The following TAAR5 variants were observed in gnomAD, a reference collection of about 807,000 sequenced individuals.
The protein encoded by TAAR5 is trace amine-associated receptor 5.
In TAAR5, 27 loss-of-function variants were observed where a neutral mutation model predicts 21.1. The ratio of observed to expected loss-of-function variants is 1.28; its 90% CI spans 0.94 to 1.76. The LOEUF (loss-of-function observed/expected upper bound fraction) is 1.76. Ranked by LOEUF, TAAR5 falls within the 40% of genes most tolerant of loss-of-function variation. The pLI is 0.00. For missense variants in TAAR5, 495 were observed against 405.6 expected (o/e 1.22, Z -1.89); for synonymous variants, 203 against 167.5 (o/e 1.21, Z -1.64).
the TAAR5 span, among the ~76,000 whole-genome samples, chr6:132,607,275 CTCT>C: frequency 3.9e-5 from 6 of 152,084 alleles, no homozygotes; most frequent in Admixed American, 3.3e-4. Flanking sequence ...CCTTCTCCTT[CTCT>C]TCTTCTCCCT....
the TAAR5 span, among the ~76,000 whole-genome samples, chr6:132,600,795 GGGGAGGAAGGAAGGAA>G: frequency 9.9e-6 from 1 of 100,772 alleles, no homozygotes. Context: ...GAGGGAAGGA[GGGGAGGAAGGAAGGAA>G]GGAAGGAGGG....
At chr6:132,609,050 C>T in the TAAR5 span, 1 of 455,326 alleles carries the variant, frequency 2.2e-6, no homozygotes, top group Non-Finnish European at 4.4e-6. Context: ...AGCAGAAAGT[C>T]CGTGGTTGCC....
chr6:132,592,616 A>T (rs535497356), upstream of TAAR5, among the ~76,000 whole-genome samples: 13 of 152,206 alleles, frequency 8.5e-5, no homozygotes, highest in East Asian at 2.3e-3. Context: ...TGTTCTTTTG[A>T]TAGTGAATGA....
chr6:132,589,469 A>G lies in TAAR5; in HGVS notation c.218T>C (p.Leu73Pro), dbSNP rs891301228. The change falls in exon 1 of 1, where the codon CTG becomes CCG. Residue 73 changes from leucine to proline, a missense_variant. By Grantham distance (98) the Leu-to-Pro change is moderately conservative. Coordinates refer to ENST00000258034, the MANE Select transcript of TAAR5 (RefSeq NM_003967.3). ...CATGTCAGCCAGGGCCAGGGAGAGC[A>G]GCAGGAAGTTGGTGGGCGTGTGAAG... The part of the protein sequence containing the change: ...KALHTPTNFL[L>P]LSLALADMFL... 6.2e-7 allele frequency: 1 copy of G among 1,613,792 alleles called. No homozygotes were observed. Among genetic ancestry groups the G allele is most frequent in the African/African-American group, 1.3e-5 (1 of 74,896 alleles).
the TAAR5 span, among the ~76,000 whole-genome samples, chr6:132,600,987 A>AGGAG: frequency 9.6e-6 from 1 of 104,464 alleles, no homozygotes; most frequent in African/African-American, 4.6e-5. Flanking sequence ...GAAAGAAGGA[A>AGGAG]GGAAGGAGGG....
At chr6:132,604,149 T>TTC in the TAAR5 span, among the ~76,000 whole-genome samples, 9 of 146,524 alleles carry the variant, frequency 6.1e-5, no homozygotes, top group South Asian at 1.9e-3. Context: ...TTCTTTTCTT[T>TTC]TTTTTTTTTT....
Position 132,589,633 on chromosome 6 carries a change from G to A in TAAR5, c.54C>T (p.Tyr18=), listed in dbSNP as rs1776874985. The change falls in exon 1 of 1, where the codon TAC becomes TAT. Residue 18 remains tyrosine, a synonymous_variant. Transcript: ENST00000258034. ...TCCTGGGGCAAGACCCATTCACCTG[G>A]TAGCAGAATGCCGCAGGGTGCTCTT... ...GAEEHPAAFC[Y]QVNGSCPRTV... is the part of the protein sequence containing the mutation. 1 of 1,611,888 alleles carries A rather than the reference G, an allele frequency of 6.2e-7. No homozygotes were observed. Among genetic ancestry groups the A allele is most frequent in the African/African-American group, 1.3e-5 (1 of 74,510 alleles).
the TAAR5 span, among the ~76,000 whole-genome samples, chr6:132,604,146 C>CTTTTTTTTTTTTTTTTTTTTT: frequency 7.9e-6 from 1 of 126,006 alleles, no homozygotes; most frequent in Admixed American, 8.2e-5. Context: ...TTTTTCTTTT[C>CTTTTTTTTTTTTTTTTTTTTT]TTTTTTTTTT....
At chr6:132,600,912 A>AAG in the TAAR5 span, among the ~76,000 whole-genome samples, 1 of 43,652 alleles carries the variant, frequency 2.3e-5, no homozygotes, top group Non-Finnish European at 3.9e-5. Flanking sequence ...AAGGAGGGAA[A>AAG]GAAGGAAGGA....
upstream of TAAR5, among the ~76,000 whole-genome samples, chr6:132,591,883 C>T (rs533480135): frequency 6.6e-6 from 1 of 152,216 alleles, no homozygotes; most frequent in Non-Finnish European, 1.5e-5. Flanking sequence ...GAATATAATA[C>T]ATGATCTGTG....
chr6:132,589,566 A>T lies in TAAR5; in HGVS notation c.121T>A (p.Cys41Ser). 6.2e-7 allele frequency: 1 copy of T among 1,614,018 alleles called. No homozygotes were observed. The highest frequency in any genetic ancestry group is 8.5e-7 in the Non-Finnish European group (1 of 1,179,962). The change falls in exon 1 of 1, where the codon TGT (cysteine) becomes AGT (serine). Residue 41 changes from cysteine to serine, a missense_variant. Physicochemically the swap from Cys to Ser is moderately radical, Grantham distance 112. Coordinates refer to ENST00000258034, the MANE Select transcript of TAAR5 (RefSeq NM_003967.3). Reference protein sequence around the residue: ...LGIQLVIYLACAAGMLIIVLG... With the variant: ...LGIQLVIYLASAAGMLIIVLG... Reference sequence around the variant, plus strand: ...ACGATAATCAGCATGCCTGCTGCACAGGCCAGGTAGATGACCAACTGGATG... The same window carrying T: ...ACGATAATCAGCATGCCTGCTGCACTGGCCAGGTAGATGACCAACTGGATG...
At chr6:132,595,972 G>A in the TAAR5 span, among the ~76,000 whole-genome samples, 3 of 152,070 alleles carry the variant, frequency 2.0e-5, no homozygotes, top group African/African-American at 4.8e-5. Context: ...CATACTATTC[G>A]ATTAAGGAAA....
At chr6:132,599,527 C>T in the TAAR5 span, among the ~76,000 whole-genome samples, 4 of 151,806 alleles carry the variant, frequency 2.6e-5, no homozygotes, top group Non-Finnish European at 5.9e-5. Context: ...TGGGGTGTCA[C>T]CATGTTGGCC....
chr6:132,595,779 C>T, the TAAR5 span, among the ~76,000 whole-genome samples: 1 of 152,136 alleles, frequency 6.6e-6, no homozygotes, highest in Admixed American at 6.6e-5. Flanking sequence ...TTGAGTTTTT[C>T]CTGTCTCGCT....
At chr6:132,598,893 A>C in the TAAR5 span, among the ~76,000 whole-genome samples, 1 of 152,190 alleles carries the variant, frequency 6.6e-6, no homozygotes. Context: ...GAGAGGAAGG[A>C]GAAAATGTAG....
chr6:132,599,685 A>G, the TAAR5 span, among the ~76,000 whole-genome samples: 1 of 152,160 alleles, frequency 6.6e-6, no homozygotes, highest in Non-Finnish European at 1.5e-5. Flanking sequence ...TCAACTGGTA[A>G]GGACTAACTT....
At chr6:132,595,120 C>A in the TAAR5 span, 1 of 152,636 alleles carries the variant, frequency 6.6e-6, no homozygotes, top group South Asian at 2.1e-4. Flanking sequence ...GTGGACTTTG[C>A]AAAAGAGGTC....
chr6:132,611,699 T>G, the TAAR5 span, among the ~76,000 whole-genome samples: 1 of 152,158 alleles, frequency 6.6e-6, no homozygotes, highest in African/African-American at 2.4e-5. Flanking sequence ...TTCTCCCACT[T>G]TTTCCCTGAA....
chr6:132,588,673 T>G lies in TAAR5; in HGVS notation c.1014A>C (p.Ter338CysextTer10). ...QTRTVDLYQE[*>C] is the part of the protein sequence containing the mutation. Reference sequence around the variant, plus strand: ...CCTTGCCTGCATTTAGTAGAAGGAATCATTCTTGGTACAAATCAACAGTGC... The same window carrying G: ...CCTTGCCTGCATTTAGTAGAAGGAAGCATTCTTGGTACAAATCAACAGTGC... Residue 338 changes from the stop codon to cysteine, a stop_lost, in exon 1 of 1, where the codon TGA becomes TGC. Transcript: ENST00000258034. 1 of 1,606,470 alleles carries G rather than the reference T, an allele frequency of 6.2e-7. No individual in the cohort carries two copies. The highest frequency in any genetic ancestry group is 8.5e-7 in the Non-Finnish European group (1 of 1,175,214).
Sources: gnomAD v4.1 joint callset for allele counts (sites outside exome capture counted in the v4.1 genomes callset) on GRCh38, gnomAD v4.1.1 for gene constraint, MANE v1.5 for transcripts, NCBI Gene and HGNC (gene_info 2026-07-23, HGNC 2026-07-21) for gene names.